METTL16: variants seen among roughly 807,000 people sequenced by gnomAD.
METTL16 encodes methyltransferase 16, RNA N6-adenosine, also known as RNA N(6)-adenosine-methyltransferase METTL16.
Under a neutral mutation model 57.9 loss-of-function variants are expected in METTL16, and 19 were observed. The observed-to-expected ratio is 0.33, with a 90% CI of 0.23 to 0.48. METTL16 has a LOEUF of 0.48. Among genes scored for constraint, METTL16 ranks in the 20% least tolerant of loss-of-function variants. The probability of loss-of-function intolerance (pLI) is 0.99; values close to 1 mark genes in which losing one functional copy is unlikely to be tolerated. For missense variants in METTL16, 434 were observed against 691.5 expected (o/e 0.63, Z 4.18); for synonymous variants, 246 against 255.6 (o/e 0.96, Z 0.36).
chr17:2,448,764 A>T, intron 6 of METTL16, among the ~76,000 whole-genome samples: 2 of 132,944 alleles, frequency 1.5e-5, no homozygotes, highest in Non-Finnish European at 3.1e-5. Flanking sequence ...AAATAAAAAA[A>T]ATAAAAAATA....
At chr17:2,424,581 AGCACACACAT>A (rs1191005798) in intron 8 of METTL16, among the ~76,000 whole-genome samples, 1 of 152,142 alleles carries the variant, frequency 6.6e-6, no homozygotes, top group Admixed American at 6.5e-5. Flanking sequence ...GAACTGCTCT[AGCACACACAT>A]GCACACACAT....
intron 6 of METTL16, among the ~76,000 whole-genome samples, chr17:2,459,418 C>A (rs2067133157): frequency 6.6e-6 from 1 of 152,194 alleles, no homozygotes; most frequent in Non-Finnish European, 1.5e-5. Context: ...CTGAGCATGA[C>A]AGAGGTGAGA....
chr17:2,477,965 C>A, intron 2 of METTL16, 80 bp from the exon 3 acceptor site: 3 of 1,203,840 alleles, frequency 2.5e-6, no homozygotes, highest in Non-Finnish European at 3.6e-6. Flanking sequence ...ACAGGCAGAA[C>A]CAAATACCCA....
chr17:2,467,737 A>C (rs778688243), intron 5 of METTL16, 24 bp downstream of exon 5: 1 of 1,583,346 alleles, frequency 6.3e-7, no homozygotes, highest in East Asian at 2.2e-5. Context: ...ATATTCAATT[A>C]TTTTAAAGCA....
intron 6 of METTL16, among the ~76,000 whole-genome samples, chr17:2,450,513 A>C (rs991265841): frequency 6.6e-6 from 1 of 152,216 alleles, no homozygotes; most frequent in Non-Finnish European, 1.5e-5. Context: ...ACATTTGTCT[A>C]AACTCATCCA....
At chr17:2,427,137 C>T (rs1320762310) in intron 8 of METTL16, among the ~76,000 whole-genome samples, 3 of 152,082 alleles carry the variant, frequency 2.0e-5, no homozygotes, top group African/African-American at 7.2e-5. Flanking sequence ...CGGAGCAAGA[C>T]CCTGGCTCAA....
At chr17:2,430,793 T>C (rs1039736058) in intron 8 of METTL16, among the ~76,000 whole-genome samples, 6 of 152,088 alleles carry the variant, frequency 3.9e-5, no homozygotes, top group African/African-American at 1.4e-4. Flanking sequence ...ACGTTAAGTC[T>C]TAAGAACTTA....
At chr17:2,480,285 A>G (rs1187822365) in intron 2 of METTL16, among the ~76,000 whole-genome samples, 2 of 152,206 alleles carry the variant, frequency 1.3e-5, no homozygotes, top group East Asian at 3.8e-4. Context: ...TTTCATGAAT[A>G]TAGATTTGTT....
chr17:2,480,618 G>A (rs187270531), intron 2 of METTL16, among the ~76,000 whole-genome samples: 5 of 152,296 alleles, frequency 3.3e-5, no homozygotes, highest in African/African-American at 7.2e-5. Context: ...AGATAAACCC[G>A]AAGCATTTTA....
chr17:2,442,920 C>T (rs376873421), intron 6 of METTL16, among the ~76,000 whole-genome samples: 18 of 151,786 alleles, frequency 1.2e-4, no homozygotes, highest in Admixed American at 2.6e-4. Context: ...CTCCGCCTTC[C>T]GGGTTGAGGT....
At chr17:2,480,758 T>C (rs1025737428) in intron 2 of METTL16, among the ~76,000 whole-genome samples, 9 of 152,222 alleles carry the variant, frequency 5.9e-5, no homozygotes, top group African/African-American at 1.9e-4. Context: ...CAAAGGATTA[T>C]AGACCATAGA....
chr17:2,473,689 C>T, intron 3 of METTL16, 25 bp from the exon 4 acceptor site: 2 of 1,604,498 alleles, frequency 1.2e-6, no homozygotes, highest in Non-Finnish European at 1.7e-6. Flanking sequence ...ATACAAAACA[C>T]ATTCTACACA....
chr17:2,464,156 T>C (rs2067173109), intron 6 of METTL16, 52 bp downstream of exon 6: 2 of 1,560,490 alleles, frequency 1.3e-6, no homozygotes, highest in East Asian at 4.5e-5. Context: ...ACATAGCGGG[T>C]AAATATTCCT....
chr17:2,465,428 TCC>T (rs2067185306), intron 5 of METTL16, among the ~76,000 whole-genome samples: 1 of 150,484 alleles, frequency 6.6e-6, no homozygotes, highest in Admixed American at 6.7e-5. Flanking sequence ...ACGCCTGTAG[TCC>T]CAGCTACTCG....
intron 4 of METTL16, among the ~76,000 whole-genome samples, chr17:2,468,710 A>G (rs370501833): frequency 6.6e-6 from 1 of 152,142 alleles, no homozygotes; most frequent in South Asian, 2.1e-4. Flanking sequence ...GCAAGAACCT[A>G]TCTCTACAAA....
At chr17:2,451,250 G>A (rs909055971) in intron 6 of METTL16, among the ~76,000 whole-genome samples, 33 of 151,990 alleles carry the variant, frequency 2.2e-4, no homozygotes, top group Non-Finnish European at 4.6e-4. Context: ...AACAAACCCC[G>A]GTAAAGTTAT....
intron 6 of METTL16, among the ~76,000 whole-genome samples, chr17:2,457,710 C>CAAA (rs749572968): frequency 9.5e-6 from 1 of 105,246 alleles, no homozygotes. Context: ...GACTCTGTCT[C>CAAA]AAAAAAAAAA....
At chr17:2,446,812 G>A (rs895979982) in intron 6 of METTL16, among the ~76,000 whole-genome samples, 6 of 152,142 alleles carry the variant, frequency 3.9e-5, no homozygotes, top group Admixed American at 2.6e-4. Flanking sequence ...CCAGCTCCTA[G>A]CCGTGAGTGA....
intron 2 of METTL16, among the ~76,000 whole-genome samples, chr17:2,478,643 T>A (rs2067283375): frequency 6.6e-6 from 1 of 152,194 alleles, no homozygotes; most frequent in Non-Finnish European, 1.5e-5. Context: ...TTGCATGTCT[T>A]TCCTCATTTC....
Sources: allele counts gnomAD v4.1 joint callset (sites outside exome capture counted in the v4.1 genomes callset), GRCh38; gene constraint gnomAD v4.1.1; transcripts MANE v1.5; gene names NCBI Gene and HGNC (gene_info 2026-07-23, HGNC 2026-07-21).